Variants in ATF7IP2 observed in about 807,000 individuals in gnomAD.
ATF7IP2 encodes activating transcription factor 7-interacting protein 2.
Under a neutral mutation model 64.2 loss-of-function variants are expected in ATF7IP2, and 42 were observed. The ratio of observed to expected loss-of-function variants is 0.65; its 90% CI spans 0.51 to 0.85. The LOEUF (loss-of-function observed/expected upper bound fraction) is 0.85. ATF7IP2 is among the 40% of genes least tolerant of loss of function. The pLI is 0.00. For synonymous variants in ATF7IP2, 308 were observed against 272.8 expected (o/e 1.13, Z -1.27); for missense variants, 933 against 784.2 (o/e 1.19, Z -2.27).
intron 7 of ATF7IP2, among the ~76,000 whole-genome samples, 172 bp downstream of exon 7, chr16:10,438,407 G>A (rs1426798764): frequency 6.7e-6 from 1 of 150,244 alleles, no homozygotes; most frequent in Non-Finnish European, 1.5e-5. Flanking sequence ...ACCATACCCT[G>A]CTAATTTTTG....
At chr16:10,438,706 T>C (rs1194844170) in intron 7 of ATF7IP2, among the ~76,000 whole-genome samples, 1 of 152,190 alleles carries the variant, frequency 6.6e-6, no homozygotes, top group East Asian at 1.9e-4. Flanking sequence ...AATATCGGCT[T>C]TTGAGAAATA....
chr16:10,455,346 A>G (rs368702895), intron 8 of ATF7IP2, among the ~76,000 whole-genome samples: 1 of 152,248 alleles, frequency 6.6e-6, no homozygotes, highest in African/African-American at 2.4e-5. Flanking sequence ...AGAGGCTGGA[A>G]TGAAGTACAC....
chr16:10,453,304 C>A (rs551802877), intron 8 of ATF7IP2, among the ~76,000 whole-genome samples: 1 of 152,142 alleles, frequency 6.6e-6, no homozygotes, highest in Non-Finnish European at 1.5e-5. Flanking sequence ...CCGTTCCTCA[C>A]GGCATAGTCC....
chr16:10,431,007 C>T lies in ATF7IP2; in HGVS notation c.387C>T (p.Val129=). The change falls in exon 5 of 14, where the codon GTC becomes GTT. Residue 129 remains valine, a synonymous_variant. Coordinates refer to ENST00000562102, the MANE Select transcript of ATF7IP2 (RefSeq NM_001393719.1). ...PSRTTESPSR[V]FTEEAKDSLN... Reference sequence around the variant, plus strand: ...GAACAACAGAATCCCCCAGCAGAGTCTTCACAGAAGAGGCAAAAGATTCAC... The same window carrying T: ...GAACAACAGAATCCCCCAGCAGAGTTTTCACAGAAGAGGCAAAAGATTCAC... 1.2e-6 allele frequency: 2 copies of T among 1,614,176 alleles called. No homozygotes were observed. Among genetic ancestry groups the T allele is most frequent in the Non-Finnish European group, 1.7e-6 (2 of 1,180,036 alleles).
At chr16:10,390,801 G>T (rs561938724) in intron 1 of ATF7IP2, among the ~76,000 whole-genome samples, 32 of 152,176 alleles carry the variant, frequency 2.1e-4, no homozygotes, top group Middle Eastern at 3.4e-3. Flanking sequence ...AAAGGAAAAA[G>T]AGAGACTGAA....
At chr16:10,403,300 T>A (rs1208261420) in intron 1 of ATF7IP2, among the ~76,000 whole-genome samples, 1 of 152,174 alleles carries the variant, frequency 6.6e-6, no homozygotes, top group East Asian at 1.9e-4. Context: ...CCATGCTGGC[T>A]ACTCAAGAGG....
chr16:10,477,312 C>A lies in ATF7IP2; in HGVS notation c.1549+3323C>A, dbSNP rs13339598. 7.2e-5 allele frequency among the ~76,000 whole-genome samples: 11 copies of A among 152,220 alleles called. No individual in the cohort carries two copies. In the South Asian group the frequency reaches 2.3e-3, roughly 32 times the overall value. ...TATTGATTTGCGTATATTGAACCAG[C>A]CTTGCATCCCAGGGATGAAGCCCAC... On this transcript the variant is annotated intron_variant, in intron 12 of 13. Coordinates refer to ENST00000562102, the MANE Select transcript of ATF7IP2 (RefSeq NM_001393719.1).
At chr16:10,451,642 G>A (rs1252549604) in intron 8 of ATF7IP2, among the ~76,000 whole-genome samples, 1 of 151,818 alleles carries the variant, frequency 6.6e-6, no homozygotes, top group East Asian at 1.9e-4. Context: ...GCTTCATGAA[G>A]TTCTCATACC....
At chr16:10,434,175 C>G (rs931416684) in intron 6 of ATF7IP2, among the ~76,000 whole-genome samples, 1 of 152,214 alleles carries the variant, frequency 6.6e-6, no homozygotes, top group African/African-American at 2.4e-5. Context: ...TGTATAGCAT[C>G]ATTAAATACA....
chr16:10,440,303 T>C lies in ATF7IP2; in HGVS notation c.1096-61T>C, dbSNP rs1020015113. 1.3e-5 allele frequency: 10 copies of C among 774,022 alleles called. No homozygotes were observed. In the African/African-American group the frequency reaches 1.6e-4, roughly 13 times the overall value. 47.9% of individuals were successfully genotyped at this position (774,022 alleles called of 1,614,324 possible). ...CTACTTTGGCAAATAATTTACCCTC[T>C]ATCTCTATGTGATATATAGTACTCT... On this transcript the variant is annotated intron_variant, in intron 7 of 13. Transcript: ENST00000562102.
At chr16:10,481,029 C>T (rs2050203072) in intron 13 of ATF7IP2, 65 bp downstream of exon 13, 4 of 1,210,104 alleles carry the variant, frequency 3.3e-6, no homozygotes, top group Non-Finnish European at 3.7e-6. Context: ...AGCTATGTTA[C>T]TCTTGAAGAA....
At chr16:10,438,077 T>C (rs1596511183) in intron 6 of ATF7IP2, 24 bp from the exon 7 acceptor site, 1 of 1,511,442 alleles carries the variant, frequency 6.6e-7, no homozygotes, top group Non-Finnish European at 8.8e-7. Context: ...GTAGGGTGTT[T>C]TGGTTTTTAT....
chr16:10,430,731 G>C lies in ATF7IP2; in HGVS notation c.111G>C (p.Ala37=). 1 of 1,614,060 alleles carries C rather than the reference G, an allele frequency of 6.2e-7. No individual in the cohort carries two copies. The highest frequency in any genetic ancestry group is 8.5e-7 in the Non-Finnish European group (1 of 1,179,988). ...TGAATAAGTCAAGGAATGTTGAAGC[G>C]CTGAAAACAGCAATTGGGAGTAATG... ...EMLNKSRNVE[A]LKTAIGSNVP... The change falls in exon 5 of 14, where the codon GCG becomes GCC. Residue 37 remains alanine, a synonymous_variant. Coordinates refer to ENST00000562102, the MANE Select transcript of ATF7IP2 (RefSeq NM_001393719.1).
intron 1 of ATF7IP2, among the ~76,000 whole-genome samples, chr16:10,400,680 T>G (rs1032290174): frequency 6.6e-6 from 1 of 152,214 alleles, no homozygotes; most frequent in Non-Finnish European, 1.5e-5. Context: ...CCTTCCTTTT[T>G]GTGCGTGTGT....
chr16:10,396,357 C>T lies in ATF7IP2; in HGVS notation c.-242+10235C>T, dbSNP rs774625990. Among the ~76,000 whole-genome samples, 30 of 152,010 alleles carry T rather than the reference C, an allele frequency of 2.0e-4. 1 individual carries two copies. The highest frequency in any genetic ancestry group is 8.5e-4 in the Admixed American group (13 of 15,242). ...TCTTCATTCTGTTGATTGTTCTCTTCCTGTACAGAAGTTTTTAAGTTTCAT... is the reference window on the plus strand; with the variant it reads ...TCTTCATTCTGTTGATTGTTCTCTTTCTGTACAGAAGTTTTTAAGTTTCAT... On this transcript the variant is annotated intron_variant, in intron 1 of 13. Transcript: ENST00000562102.
Position 10,440,481 on chromosome 16 carries a change from G to T in ATF7IP2, c.1194+19G>T. 2 of 1,298,248 alleles carry T rather than the reference G, an allele frequency of 1.5e-6. No individual in the cohort carries two copies. Among genetic ancestry groups the T allele is most frequent in the East Asian group, 2.5e-5 (1 of 39,782 alleles). 80.4% of individuals were successfully genotyped at this position (1,298,248 alleles called of 1,614,324 possible). On this transcript the variant is annotated intron_variant, in intron 8 of 13. Coordinates refer to ENST00000562102, the MANE Select transcript of ATF7IP2 (RefSeq NM_001393719.1). ...CTCTAAGGTTTGTATAAACACACAG[G>T]AATTGTAATCATCTATTTGACTCAT... is the stretch of plus-strand genomic sequence containing the variant.
intron 13 of ATF7IP2, 104 bp from the exon 14 acceptor site, chr16:10,481,732 C>G: frequency 9.8e-7 from 1 of 1,015,454 alleles, no homozygotes; most frequent in Non-Finnish European, 1.4e-6. Flanking sequence ...ACTGAAATAT[C>G]CTTTTATTAT....
rs192018149 is a variant in ATF7IP2, at chr16:10,440,430, C to T, written c.1162C>T (p.Pro388Ser). 2.2e-3 allele frequency: 3,433 copies of T among 1,562,022 alleles called. 69 individuals carry two copies. Among genetic ancestry groups the T allele is most frequent in the East Asian group, 1.7e-3 (75 of 43,074 alleles). Residue 388 changes from proline to serine, a missense_variant, in exon 8 of 14, where the codon CCA (proline) becomes TCA (serine). By Grantham distance (74) the Pro-to-Ser change is moderately conservative. Transcript: ENST00000562102. ...VLLFQRNCLK[P>S]NMLSSNGASK... is the part of the protein sequence containing the mutation. ...ATTATTTCAAAGGAATTGTTTGAAA[C>T]CAAACATGTTATCCAGTAATGGAGC...
At chr16:10,407,583 A>C (rs368211557) in intron 1 of ATF7IP2, among the ~76,000 whole-genome samples, 169 of 152,342 alleles carry the variant, frequency 1.1e-3, no homozygotes, top group African/African-American at 4.0e-3. Context: ...GCTAACAGTG[A>C]ATGATATGTA....
Sources: allele counts gnomAD v4.1 joint callset (sites outside exome capture counted in the v4.1 genomes callset), GRCh38; gene constraint gnomAD v4.1.1; transcripts MANE v1.5; gene names NCBI Gene and HGNC (gene_info 2026-07-23, HGNC 2026-07-21).